The following INTS6 variants were observed in gnomAD, a reference collection of about 807,000 sequenced individuals.
The protein encoded by INTS6 is DEAD box protein.
In INTS6, 16 loss-of-function variants were observed where a neutral mutation model predicts 104.9. The ratio of observed to expected loss-of-function variants is 0.15; its 90% CI spans 0.10 to 0.23. INTS6 has a LOEUF of 0.23. Ranked by LOEUF, INTS6 falls within the 10% of genes least tolerant of loss-of-function variation. The probability of loss-of-function intolerance (pLI) is 1.00; values close to 1 mark genes in which losing one functional copy is unlikely to be tolerated. For missense variants in INTS6, 584 were observed against 1,062.8 expected (o/e 0.55, Z 6.26); for synonymous variants, 324 against 358.7 (o/e 0.90, Z 1.09).
chr13:51,346,809 G>T, the INTS6 span, among the ~76,000 whole-genome samples: 1 of 152,232 alleles, frequency 6.6e-6, no homozygotes, highest in Non-Finnish European at 1.5e-5. Flanking sequence ...AGCTCCTGGT[G>T]CCTTGGGTCC....
chr13:51,452,124 G>A lies in INTS6; in HGVS notation c.112-69C>T, dbSNP rs1953070568. 2 of 1,458,912 alleles carry A rather than the reference G, an allele frequency of 1.4e-6. No homozygotes were observed. Among genetic ancestry groups the A allele is most frequent in the South Asian group, 2.3e-5 (2 of 86,706 alleles). The allele number at this position is 1,458,912 out of a possible 1,614,324, so 90.4% of individuals were successfully genotyped here. A position where few individuals can be genotyped will look rare whatever the true frequency, so the allele number is the denominator to read the frequency against. ...AGAGGCGAGGTTACGAGGCGGAGAAGGGGCGCCCAGCGGCCCCGCCGCCCC... is the reference window on the plus strand; with the variant it reads ...AGAGGCGAGGTTACGAGGCGGAGAAAGGGCGCCCAGCGGCCCCGCCGCCCC... On this transcript the variant is annotated intron_variant, in intron 1 of 17. Transcript: ENST00000311234. The surrounding 1 kb of genome is among the most constrained non-coding windows in gnomAD (Gnocchi z 4.2).
downstream of INTS6, among the ~76,000 whole-genome samples, chr13:51,360,568 A>G (rs1955557387): frequency 6.6e-6 from 1 of 152,126 alleles, no homozygotes; most frequent in South Asian, 2.1e-4. Context: ...CCTCTAAATT[A>G]TCACTTAGTC....
chr13:51,405,759 G>A (rs1393847609), intron 4 of INTS6, among the ~76,000 whole-genome samples: 1 of 152,146 alleles, frequency 6.6e-6, no homozygotes, highest in Non-Finnish European at 1.5e-5. Flanking sequence ...AGGTCCCCCA[G>A]AAAACTGGCA....
In INTS6 at chr13:51,403,606, A is replaced by AAAAAAAAAAG. The variant is rs1491365561; in HGVS notation, c.430-8124_430-8123insCTTTTTTTTT. Among the ~76,000 whole-genome samples the AAAAAAAAAAG allele has an allele frequency of 1.3e-3, 182 of 138,688 alleles. 1 individual carries two copies. The highest frequency in any genetic ancestry group is 5.5e-3 in the South Asian group (23 of 4,212). The allele number at this position is 138,688 out of a possible 152,430, so 91.0% of individuals were successfully genotyped here. ...CAAAAAAAAAAAAGAAAAAAAAAAG[A>AAAAAAAAAAG]AAAAAAAAAAAAGAAAAAGATTTCC... On this transcript the variant is annotated intron_variant, in intron 4 of 17. Coordinates refer to ENST00000311234, the MANE Select transcript of INTS6 (RefSeq NM_012141.3).
chr13:51,429,781 AAAAAAT>A (rs1440845701), intron 4 of INTS6, among the ~76,000 whole-genome samples: 9 of 126,180 alleles, frequency 7.1e-5, no homozygotes, highest in African/African-American at 1.6e-4. Context: ...AAAAAAAAAA[AAAAAAT>A]ATATATATAT....
intron 5 of INTS6, among the ~76,000 whole-genome samples, chr13:51,390,938 G>A (rs564492968): frequency 6.6e-6 from 1 of 152,166 alleles, no homozygotes; most frequent in South Asian, 2.1e-4. Context: ...AAGGCACAGA[G>A]AGGCTAACTA....
chr13:51,351,421 G>A (rs569070466), downstream of INTS6, among the ~76,000 whole-genome samples: 8 of 152,222 alleles, frequency 5.3e-5, no homozygotes, highest in South Asian at 1.7e-3. Context: ...ATCTTTTCAT[G>A]TACTTGGAGA....
intron 4 of INTS6, among the ~76,000 whole-genome samples, chr13:51,396,124 T>C (rs554122557): frequency 8.5e-4 from 129 of 152,152 alleles, no homozygotes; most frequent in Middle Eastern, 3.4e-3. Flanking sequence ...TAAAAAAAAA[T>C]AGACCTCAAA....
At chr13:51,348,314 A>AC in the INTS6 span, 1 of 1,611,158 alleles carries the variant, frequency 6.2e-7, no homozygotes, top group South Asian at 1.1e-5. Flanking sequence ...TGACAAAGAC[A>AC]CCCCCCTGAG....
chr13:51,340,227 C>A, the INTS6 span, among the ~76,000 whole-genome samples: 1 of 152,152 alleles, frequency 6.6e-6, no homozygotes, highest in Admixed American at 6.5e-5. Context: ...GACAACTTAA[C>A]AAAAACTGCT....
chr13:51,355,165 A>G, intron 3 of INTS6: 1 of 1,241,000 alleles, frequency 8.1e-7, no homozygotes, highest in Non-Finnish European at 1.2e-6. Context: ...TCTTCTTCCA[A>G]ACGTTCTAGC....
intron 4 of INTS6, among the ~76,000 whole-genome samples, chr13:51,418,248 T>A (rs1221043950): frequency 6.6e-6 from 1 of 152,228 alleles, no homozygotes; most frequent in Non-Finnish European, 1.5e-5. Context: ...TTGAATGAAA[T>A]TAACCATTTT....
the INTS6 span, among the ~76,000 whole-genome samples, chr13:51,336,667 C>T: frequency 6.6e-6 from 1 of 152,124 alleles, no homozygotes; most frequent in South Asian, 2.1e-4. Flanking sequence ...GAAGTTGATG[C>T]TTTCAGCCTT....
chr13:51,361,565 T>C, downstream of INTS6: 1 of 589,910 alleles, frequency 1.7e-6, no homozygotes, highest in Admixed American at 3.2e-5. Flanking sequence ...CCCATAAAAA[T>C]AATTCTGAAA....
rs1953100930 is a variant in INTS6, at chr13:51,453,026, G to A, written c.-501C>T. ...TGTCACCACTTTCTCAGCCCCTCTCGCTACTGAAGCGCTTTTCTCTCTCAC... is the reference window on the plus strand; with the variant it reads ...TGTCACCACTTTCTCAGCCCCTCTCACTACTGAAGCGCTTTTCTCTCTCAC... On this transcript the variant is annotated 5_prime_UTR_variant, in exon 1 of 18. Coordinates refer to ENST00000311234, the MANE Select transcript of INTS6 (RefSeq NM_012141.3). 7 of 1,009,792 alleles carry A rather than the reference G, an allele frequency of 6.9e-6. No homozygotes were observed. Among genetic ancestry groups the A allele is most frequent in the African/African-American group, 3.5e-5 (2 of 57,412 alleles). 62.6% of individuals were successfully genotyped at this position (1,009,792 alleles called of 1,614,324 possible).
At chr13:51,447,326 A>G (rs1176687625) in intron 3 of INTS6, 1 of 152,160 alleles carries the variant, frequency 6.6e-6, no homozygotes, top group East Asian at 1.9e-4. Flanking sequence ...AATGGGTACT[A>G]TTTAGGTAAA....
rs1956813567 is a variant in INTS6, at chr13:51,417,564, C to T, written c.429+12730G>A. ...CCACCGCCCAGGTTCAAGCCATTCT[C>T]CTGTCTCAGCCTCCCGAGTAGCTGG... On this transcript the variant is annotated intron_variant, in intron 4 of 17. Coordinates refer to ENST00000311234, the MANE Select transcript of INTS6 (RefSeq NM_012141.3). Among the ~76,000 whole-genome samples, 3 of 150,586 alleles carry T rather than the reference C, an allele frequency of 2.0e-5. No homozygotes were observed. In the Admixed American group the frequency reaches 2.0e-4, roughly 10 times the overall value.
At chr13:51,427,447 T>C (rs1957004364) in intron 4 of INTS6, among the ~76,000 whole-genome samples, 1 of 152,162 alleles carries the variant, frequency 6.6e-6, no homozygotes, top group African/African-American at 2.4e-5. Flanking sequence ...CTTTATGCTT[T>C]TCTATGAATT....
intron 3 of INTS6, chr13:51,440,186 G>A (rs1326676111): frequency 6.6e-6 from 1 of 151,566 alleles, no homozygotes; most frequent in African/African-American, 2.4e-5. Flanking sequence ...AGGAGGCAGA[G>A]CTTGCAGTAA....
Sources: allele counts gnomAD v4.1 joint callset (sites outside exome capture counted in the v4.1 genomes callset), GRCh38; gene constraint gnomAD v4.1.1; non-coding constraint Gnocchi (gnomAD v3.1); transcripts MANE v1.5; gene names NCBI Gene and HGNC (gene_info 2026-07-23, HGNC 2026-07-21).